Variants in STXBP5L observed in about 807,000 individuals in gnomAD.
STXBP5L encodes the protein syntaxin-binding protein 5-like.
A neutral mutation model predicts 144.5 loss-of-function variants in STXBP5L; 65 were observed. That is an observed-to-expected ratio of 0.45 (90% CI 0.37 to 0.55). The LOEUF (loss-of-function observed/expected upper bound fraction) is 0.55, where lower values mean the gene tolerates loss of function less well. Among genes scored for constraint, STXBP5L ranks in the 20% least tolerant of loss-of-function variants. The pLI is 0.00. For missense variants in STXBP5L, 1,298 were observed against 1,405.5 expected, an observed-to-expected ratio of 0.92 and a Z score of 1.22; for synonymous variants, 505 against 469.6, an observed-to-expected ratio of 1.08 and a Z score of -0.97.
chr3:121,400,220 A>G (rs1459713054), intron 22 of STXBP5L, among the ~76,000 whole-genome samples: 2 of 152,196 alleles, frequency 1.3e-5, no homozygotes, highest in Admixed American at 6.5e-5. Flanking sequence ...TCTGCCTCCC[A>G]CCTACCTCTC....
chr3:121,017,899 G>T (rs992734810), intron 3 of STXBP5L, among the ~76,000 whole-genome samples: 3 of 152,150 alleles, frequency 2.0e-5, no homozygotes. Context: ...GCAATGTTGT[G>T]AGACCCCAGT....
rs1218543602 is a variant in STXBP5L, at chr3:121,423,350, T to C, written c.*4253T>C. On this transcript the variant is annotated 3_prime_UTR_variant, in exon 27 of 27. Transcript: ENST00000471454. ...CTAGTATGCACCATTCCAGGGAACA[T>C]GGTTGTCAACATAACAAGTTTAGTG... 3.9e-5 allele frequency: 6 copies of C among 152,226 alleles called. No individual in the cohort carries two copies. Among genetic ancestry groups the C allele is most frequent in the Non-Finnish European group, 8.8e-5 (6 of 68,040 alleles). The allele number at this position is 152,226 out of a possible 1,614,324, so 9.4% of individuals were successfully genotyped here.
intron 3 of STXBP5L, among the ~76,000 whole-genome samples, chr3:120,978,866 G>A (rs562718496): frequency 5.9e-5 from 9 of 152,298 alleles, no homozygotes; most frequent in Non-Finnish European, 1.3e-4. Context: ...GCAGATTTTC[G>A]TGAACCGCGA....
Position 121,223,136 on chromosome 3 carries a change from T to G in STXBP5L, c.1090T>G (p.Cys364Gly). The change falls in exon 11 of 27, where the codon TGT (cysteine) becomes GGT (glycine). Residue 364 changes from cysteine to glycine, a missense_variant. Cys to Gly is a radical substitution (Grantham distance 159). Coordinates refer to ENST00000471454, the MANE Select transcript of STXBP5L (RefSeq NM_001308330.2). ...TCCTATTGTTGAATTTCTAACTTTATGTGAAACGCCCTATCCAAATGGTAA... is the reference window on the plus strand; with the variant it reads ...TCCTATTGTTGAATTTCTAACTTTAGGTGAAACGCCCTATCCAAATGGTAA... ...DHPIVEFLTL[C>G]ETPYPNEFQE... The G allele has an allele frequency of 6.2e-7, 1 of 1,606,906 alleles. No individual in the cohort carries two copies. The highest frequency in any genetic ancestry group is 1.3e-5 in the African/African-American group (1 of 74,626).
At chr3:121,161,560 T>A (rs2046322894) in intron 9 of STXBP5L, among the ~76,000 whole-genome samples, 1 of 152,032 alleles carries the variant, frequency 6.6e-6, no homozygotes, top group South Asian at 2.1e-4. Flanking sequence ...CTCATATATA[T>A]ATATATGATA....
chr3:121,103,488 G>T (rs1202573902), intron 5 of STXBP5L, among the ~76,000 whole-genome samples: 1 of 152,052 alleles, frequency 6.6e-6, no homozygotes, highest in African/African-American at 2.4e-5. Flanking sequence ...GCTAAACATT[G>T]GATGTACTTG....
chr3:121,285,873 A>T (rs1162271104), intron 19 of STXBP5L, among the ~76,000 whole-genome samples: 1 of 152,082 alleles, frequency 6.6e-6, no homozygotes, highest in South Asian at 2.1e-4. Flanking sequence ...TGATTCTATA[A>T]ATGTTAGTTA....
chr3:121,072,860 A>G (rs1397476600), intron 5 of STXBP5L, among the ~76,000 whole-genome samples: 1 of 152,108 alleles, frequency 6.6e-6, no homozygotes, highest in Non-Finnish European at 1.5e-5. Context: ...TCAGTAGTTA[A>G]TAATCCTCTT....
intron 9 of STXBP5L, among the ~76,000 whole-genome samples, chr3:121,191,638 A>G (rs139127315): frequency 1.4e-4 from 21 of 152,268 alleles, no homozygotes; most frequent in African/African-American, 4.8e-4. Context: ...GATTTTCACA[A>G]TATTGATTCT....
intron 3 of STXBP5L, among the ~76,000 whole-genome samples, chr3:120,998,408 A>G (rs689022): frequency 0.8 from 121,429 of 151,982 alleles, 48,979 homozygotes; most frequent in Admixed American, 0.84. Context: ...TATACTTTAA[A>G]TTTTGGGGTA....
At chr3:121,123,878 A>G (rs541676541) in intron 7 of STXBP5L, among the ~76,000 whole-genome samples, 17 of 151,836 alleles carry the variant, frequency 1.1e-4, no homozygotes, top group Non-Finnish European at 2.4e-4. Flanking sequence ...ATTTTAATAT[A>G]TGCAGTTTTA....
intron 3 of STXBP5L, among the ~76,000 whole-genome samples, chr3:121,001,972 G>A (rs192172888): frequency 6.6e-6 from 1 of 152,284 alleles, no homozygotes; most frequent in African/African-American, 2.4e-5. Flanking sequence ...CAGACACTTA[G>A]GTTGTTCTCA....
intron 3 of STXBP5L, among the ~76,000 whole-genome samples, chr3:121,037,021 G>A (rs1946807944): frequency 1.3e-5 from 2 of 151,752 alleles, no homozygotes; most frequent in Non-Finnish European, 2.9e-5. Context: ...CAAACTCCTG[G>A]GCTCAGGCAA....
chr3:121,352,065 C>T (rs1365202558), intron 20 of STXBP5L, among the ~76,000 whole-genome samples: 1 of 152,058 alleles, frequency 6.6e-6, no homozygotes, highest in Non-Finnish European at 1.5e-5. Context: ...GTACCAGTAC[C>T]ATGCTGTTTT....
intron 9 of STXBP5L, among the ~76,000 whole-genome samples, chr3:121,165,131 T>G (rs1214603972): frequency 6.6e-6 from 1 of 152,234 alleles, no homozygotes; most frequent in Non-Finnish European, 1.5e-5. Context: ...AACGTCATGT[T>G]GTATACCTTA....
At chr3:121,365,266 G>T (rs2045830017) in intron 20 of STXBP5L, among the ~76,000 whole-genome samples, 1 of 151,830 alleles carries the variant, frequency 6.6e-6, no homozygotes, top group Non-Finnish European at 1.5e-5. Flanking sequence ...ACAGGGTAAT[G>T]CTGGCCTTAT....
intron 3 of STXBP5L, among the ~76,000 whole-genome samples, chr3:120,995,934 G>A (rs977150330): frequency 6.6e-6 from 1 of 152,010 alleles, no homozygotes; most frequent in Non-Finnish European, 1.5e-5. Context: ...ATTTTCAAGG[G>A]TAGGTTTTAC....
intron 5 of STXBP5L, among the ~76,000 whole-genome samples, chr3:121,075,036 A>G (rs1250785385): frequency 4.6e-5 from 7 of 152,012 alleles, no homozygotes; most frequent in Admixed American, 3.9e-4. Flanking sequence ...CTCTACCTCC[A>G]TTGAGACCAT....
chr3:121,238,742 A>G (rs1006964649), intron 12 of STXBP5L, among the ~76,000 whole-genome samples: 1 of 152,158 alleles, frequency 6.6e-6, no homozygotes, highest in Non-Finnish European at 1.5e-5. Flanking sequence ...TAGAATTATG[A>G]GAAGTAAATT....
Sources: gnomAD v4.1 joint callset for allele counts (sites outside exome capture counted in the v4.1 genomes callset) on GRCh38, gnomAD v4.1.1 for gene constraint, MANE v1.5 for transcripts, NCBI Gene and HGNC (gene_info 2026-07-23, HGNC 2026-07-21) for gene names.